NRXN1: variants seen among roughly 807,000 people sequenced by gnomAD.
NRXN1 encodes the protein neurexin-1.
In NRXN1, 39 loss-of-function variants were observed where a neutral mutation model predicts 150.9. The ratio of observed to expected loss-of-function variants is 0.26; its 90% CI spans 0.20 to 0.34. NRXN1 has a LOEUF of 0.34. Among genes scored for constraint, NRXN1 ranks in the 10% least tolerant of loss-of-function variants. NRXN1 has a pLI of 1.00. For synonymous variants in NRXN1, 924 were observed against 757.0 expected (o/e 1.22, Z -3.62); for missense variants, 1,815 against 1,949.9 (o/e 0.93, Z 1.30).
chr2:50,040,484 A>G (rs1370225678), intron 21 of NRXN1, among the ~76,000 whole-genome samples: 9 of 151,948 alleles, frequency 5.9e-5, no homozygotes, highest in Non-Finnish European at 1.0e-4. Flanking sequence ...TAAGTATTGT[A>G]TAAAAGGAAT....
chr2:50,607,769 C>T (rs1226295724), intron 8 of NRXN1, among the ~76,000 whole-genome samples: 1 of 151,476 alleles, frequency 6.6e-6, no homozygotes, highest in African/African-American at 2.4e-5. Flanking sequence ...TAAAGGAGAC[C>T]TAGTTTTGAA....
In NRXN1 at chr2:50,060,201, C is replaced by T. The variant is rs185692298; in HGVS notation, c.3719-5157G>A. On this transcript the variant is annotated intron_variant, in intron 19 of 22. Coordinates refer to ENST00000401669, the MANE Select transcript of NRXN1 (RefSeq NM_001330078.2). ...GCTGCCCAAGACCATGGGAACCTTC[C>T]TCTTACATCAGCATGACCTGGATGT... is the stretch of plus-strand genomic sequence containing the variant. Among the ~76,000 whole-genome samples, 9 of 152,316 alleles carry T rather than the reference C, an allele frequency of 5.9e-5. No individual in the cohort carries two copies. The East Asian group carries it at 1.7e-3, about 29-fold the overall frequency.
chr2:50,515,165 A>C (rs2092591812), intron 12 of NRXN1, among the ~76,000 whole-genome samples: 1 of 152,170 alleles, frequency 6.6e-6, no homozygotes, highest in Non-Finnish European at 1.5e-5. Context: ...TCTCACAGGA[A>C]TGCAAACCCT....
At chr2:50,507,293 C>A (rs1351111796) in intron 12 of NRXN1, among the ~76,000 whole-genome samples, 1 of 151,788 alleles carries the variant, frequency 6.6e-6, no homozygotes, top group Non-Finnish European at 1.5e-5. Flanking sequence ...CGTCACAAAT[C>A]TGTCTGTGTG....
intron 21 of NRXN1, among the ~76,000 whole-genome samples, chr2:49,954,344 T>C (rs1268370733): frequency 1.3e-5 from 2 of 152,110 alleles, no homozygotes; most frequent in African/African-American, 4.8e-5. Context: ...TCTGGCATTA[T>C]GATTACCTTT....
At chr2:50,310,373 A>G (rs13416474) in intron 17 of NRXN1, among the ~76,000 whole-genome samples, 62,738 of 151,962 alleles carry the variant, frequency 0.41, 15,358 homozygotes, top group African/African-American at 0.69. Context: ...ATAACTAACT[A>G]CAATTCAATA....
chr2:50,747,617 T>C (rs191230725), intron 5 of NRXN1, among the ~76,000 whole-genome samples: 112 of 152,270 alleles, frequency 7.4e-4, no homozygotes, highest in African/African-American at 2.6e-3. Context: ...TATCTCATCT[T>C]CTTTAATAGA....
chr2:50,376,443 C>G (rs971542240), intron 17 of NRXN1, among the ~76,000 whole-genome samples: 3 of 151,342 alleles, frequency 2.0e-5, no homozygotes, highest in Non-Finnish European at 1.5e-5. Flanking sequence ...TGTATTTAAA[C>G]TACCCAGGTT....
intron 2 of NRXN1, among the ~76,000 whole-genome samples, chr2:50,975,433 T>G (rs979727747): frequency 2.6e-5 from 4 of 152,104 alleles, no homozygotes; most frequent in Admixed American, 2.6e-4. Flanking sequence ...CATACTTTTC[T>G]ATTCTCTGCA....
At chr2:50,643,714 T>TAA (rs1484901171) in intron 5 of NRXN1, among the ~76,000 whole-genome samples, 1 of 151,920 alleles carries the variant, frequency 6.6e-6, no homozygotes, top group African/African-American at 2.4e-5. Flanking sequence ...TGTATGTACT[T>TAA]ACATCGATTT....
intron 5 of NRXN1, among the ~76,000 whole-genome samples, chr2:50,818,502 C>G (rs1362574426): frequency 6.6e-6 from 1 of 151,422 alleles, no homozygotes; most frequent in Admixed American, 6.6e-5. Context: ...GAAACTGGAT[C>G]CTTATCTTAC....
At chr2:50,146,754 T>C (rs897131702) in intron 18 of NRXN1, among the ~76,000 whole-genome samples, 2 of 151,602 alleles carry the variant, frequency 1.3e-5, no homozygotes, top group Non-Finnish European at 3.0e-5. Flanking sequence ...CTTTGAATAA[T>C]CTTCTTTTGT....
intron 21 of NRXN1, among the ~76,000 whole-genome samples, chr2:50,000,804 C>A (rs1683791155): frequency 6.6e-6 from 1 of 152,048 alleles, no homozygotes. Flanking sequence ...GCTGAGAAAT[C>A]TGAGCATAAA....
intron 17 of NRXN1, among the ~76,000 whole-genome samples, chr2:50,453,578 A>T (rs147935211): frequency 2.1e-3 from 322 of 152,332 alleles, no homozygotes; most frequent in African/African-American, 7.3e-3. Context: ...GAACCAAAAC[A>T]ATCACGCAAA....
At chr2:50,198,018 A>T (rs1487985990) in intron 18 of NRXN1, among the ~76,000 whole-genome samples, 1 of 152,164 alleles carries the variant, frequency 6.6e-6, no homozygotes, top group Non-Finnish European at 1.5e-5. Flanking sequence ...GTCTCAAGAC[A>T]ACTCCCTCCT....
intron 14 of NRXN1, 120 bp from the exon 15 acceptor site, chr2:50,496,215 C>A: frequency 1.6e-6 from 1 of 643,386 alleles, no homozygotes. Context: ...GAAGTCATGA[C>A]AATAAGTTAC....
At chr2:49,988,530 T>G (rs1681348270) in intron 21 of NRXN1, among the ~76,000 whole-genome samples, 1 of 151,324 alleles carries the variant, frequency 6.6e-6, no homozygotes, top group South Asian at 2.1e-4. Flanking sequence ...ACAAAGTACA[T>G]GGCCAGAAGA....
At chr2:50,199,818 C>T (rs2062034713) in intron 18 of NRXN1, among the ~76,000 whole-genome samples, 1 of 152,068 alleles carries the variant, frequency 6.6e-6, no homozygotes, top group Non-Finnish European at 1.5e-5. Flanking sequence ...ACACATTGCT[C>T]CCTGCAAGGC....
intron 17 of NRXN1, among the ~76,000 whole-genome samples, chr2:50,420,962 CTGTGTGTGTGTGTGTGTGTGTG>C (rs4032055): frequency 2.4e-3 from 284 of 120,026 alleles, no homozygotes; most frequent in African/African-American, 7.4e-3. Flanking sequence ...CAAAATAGAC[CTGTGTGTGTGTGTGTGTGTGTG>C]TGTGTGTGTG....
Sources: allele counts gnomAD v4.1 joint callset (sites outside exome capture counted in the v4.1 genomes callset), GRCh38; gene constraint gnomAD v4.1.1; transcripts MANE v1.5; gene names NCBI Gene and HGNC (gene_info 2026-07-23, HGNC 2026-07-21).